KCND3: variants seen among roughly 807,000 people sequenced by gnomAD.
KCND3 encodes the protein A-type voltage-gated potassium channel KCND3.
KCND3 carries 9 observed loss-of-function variants against 51.1 expected under a neutral mutation model. The ratio of observed to expected loss-of-function variants is 0.18; its 90% CI spans 0.11 to 0.31. The LOEUF is 0.31. KCND3 is among the 10% of genes least tolerant of loss of function. KCND3 has a pLI of 1.00. For missense variants in KCND3, 526 were observed against 903.8 expected (o/e 0.58, Z 5.36); for synonymous variants, 349 against 368.0 (o/e 0.95, Z 0.59).
At chr1:111,845,193 T>C (rs576856351) in intron 2 of KCND3, among the ~76,000 whole-genome samples, 16 of 152,292 alleles carry the variant, frequency 1.1e-4, no homozygotes, top group African/African-American at 3.1e-4. Flanking sequence ...CTTTGCAGCA[T>C]CTAACACTTG....
At chr1:111,866,661 C>T (rs1668590642) in intron 2 of KCND3, among the ~76,000 whole-genome samples, 1 of 149,918 alleles carries the variant, frequency 6.7e-6, no homozygotes, top group South Asian at 2.1e-4. Flanking sequence ...GGGTCACAAA[C>T]GAGGTGTGAC....
At chr1:111,854,622 G>A (rs904024560) in intron 2 of KCND3, among the ~76,000 whole-genome samples, 3 of 152,218 alleles carry the variant, frequency 2.0e-5, no homozygotes, top group African/African-American at 7.2e-5. Context: ...CTGAGGAGTG[G>A]CTGTGAAAGG....
intron 2 of KCND3, among the ~76,000 whole-genome samples, chr1:111,973,035 A>G (rs1571926377): frequency 1.3e-5 from 2 of 152,398 alleles, no homozygotes; most frequent in South Asian, 4.1e-4. Flanking sequence ...GGAAAATAGC[A>G]CTGGAAAAAT....
chr1:111,940,410 G>A (rs1166708467), intron 2 of KCND3, among the ~76,000 whole-genome samples: 2 of 152,114 alleles, frequency 1.3e-5, no homozygotes, highest in African/African-American at 4.8e-5. Context: ...TGTATAAGGT[G>A]TAAGGAAGGG....
intron 2 of KCND3, among the ~76,000 whole-genome samples, chr1:111,904,735 C>G (rs901597464): frequency 5.9e-5 from 9 of 152,324 alleles, no homozygotes; most frequent in African/African-American, 1.7e-4. Context: ...GCTTAGAGAC[C>G]CTTATCTGCA....
At position 111,982,383 on chromosome 1, in the gene KCND3, T is replaced by A. The variant is rs753949854; in HGVS notation, c.344A>T (p.Asp115Val). The A allele has an allele frequency of 6.2e-7, 1 of 1,614,190 alleles. No individual in the cohort carries two copies. The highest frequency in any genetic ancestry group is 1.1e-5 in the South Asian group (1 of 91,076). The change falls in exon 2 of 8, where the codon GAC becomes GTC. Residue 115 changes from aspartate (D) to valine (V), a missense_variant. By Grantham distance (152) the Asp-to-Val change is radical. Coordinates refer to ENST00000302127, the MANE Select transcript of KCND3 (RefSeq NM_001378969.1). The surrounding 1 kb of genome is among the most constrained non-coding windows in gnomAD (Gnocchi z 8.5). ...GATGCCGTAGAAGGCCAGCTCGTCG[T>A]CGTAGGCAGAGATGCACTCGTAGCG... is the stretch of plus-strand genomic sequence containing the variant. ...YPRYECISAY[D>V]DELAFYGILP...
chr1:111,917,479 C>T (rs148857235), intron 2 of KCND3, among the ~76,000 whole-genome samples: 17 of 152,226 alleles, frequency 1.1e-4, no homozygotes, highest in African/African-American at 3.1e-4. Context: ...GATTACAGAA[C>T]GGAACTGAGA....
At position 111,866,579 on chromosome 1, in the gene KCND3, AACAC is replaced by A. The variant is rs771342858; in HGVS notation, c.1107-79477_1107-79474del. Among the ~76,000 whole-genome samples, 1,102 of 126,804 alleles carry A rather than the reference AACAC, an allele frequency of 8.7e-3. 9 individuals carry two copies. The highest frequency in any genetic ancestry group is 0.015 in the African/African-American group (470 of 32,274). The allele number at this position is 126,804 out of a possible 152,430, so 83.2% of individuals were successfully genotyped here. A position where few individuals can be genotyped will look rare whatever the true frequency, so the allele number is the denominator to read the frequency against. On this transcript the variant is annotated intron_variant, in intron 2 of 7. Coordinates refer to ENST00000302127, the MANE Select transcript of KCND3 (RefSeq NM_001378969.1). Reference sequence around the variant, plus strand: ...TGTGCCTGACCTGTTTGTTTCTTTAAACACACACACACACACACACACACACACA... The same window carrying A: ...TGTGCCTGACCTGTTTGTTTCTTTAAACACACACACACACACACACACACA...
intron 2 of KCND3, among the ~76,000 whole-genome samples, chr1:111,815,058 C>T (rs755422094): frequency 5.3e-5 from 8 of 152,306 alleles, no homozygotes; most frequent in Admixed American, 2.6e-4. Context: ...GAGGAACAAC[C>T]GGCTCTCTCT....
chr1:111,832,039 A>G (rs1666855608), intron 2 of KCND3, among the ~76,000 whole-genome samples: 1 of 152,208 alleles, frequency 6.6e-6, no homozygotes, highest in East Asian at 1.9e-4. Flanking sequence ...TGCTTTAATC[A>G]TAACTCTAGC....
At chr1:111,960,638 G>A (rs1224383968) in intron 2 of KCND3, among the ~76,000 whole-genome samples, 1 of 152,206 alleles carries the variant, frequency 6.6e-6, no homozygotes, top group Admixed American at 6.5e-5. Flanking sequence ...GGGGTAGGGG[G>A]AGAAATCCCA....
At chr1:111,886,918 T>C (rs1434046299) in intron 2 of KCND3, among the ~76,000 whole-genome samples, 1 of 152,216 alleles carries the variant, frequency 6.6e-6, no homozygotes, top group African/African-American at 2.4e-5. Context: ...GGGTAAACAC[T>C]GCCTGGTCAC....
chr1:111,887,050 C>T (rs1360185542), intron 2 of KCND3, among the ~76,000 whole-genome samples: 7 of 152,044 alleles, frequency 4.6e-5, no homozygotes, highest in African/African-American at 9.7e-5. Flanking sequence ...GTGAGGCATA[C>T]GGAGAGAGAG....
chr1:111,802,097 T>C (rs771526086), intron 2 of KCND3, among the ~76,000 whole-genome samples: 4 of 152,252 alleles, frequency 2.6e-5, no homozygotes, highest in Non-Finnish European at 2.9e-5. Flanking sequence ...ACAGGGTTGT[T>C]ATAAAAATCA....
chr1:111,822,328 T>A (rs1267969142), intron 2 of KCND3, among the ~76,000 whole-genome samples: 3 of 152,140 alleles, frequency 2.0e-5, no homozygotes, highest in Non-Finnish European at 4.4e-5. Context: ...ACCATCCATC[T>A]CCAGAGCTCT....
intron 2 of KCND3, among the ~76,000 whole-genome samples, chr1:111,943,389 G>A (rs1414165395): frequency 1.3e-5 from 2 of 152,146 alleles, no homozygotes; most frequent in East Asian, 3.9e-4. Flanking sequence ...ACTCTCCCCT[G>A]CCCACTGGAC....
At chr1:111,921,317 T>G (rs1045043832) in intron 2 of KCND3, among the ~76,000 whole-genome samples, 2 of 152,196 alleles carry the variant, frequency 1.3e-5, no homozygotes, top group African/African-American at 4.8e-5. Context: ...TCGAATCTCT[T>G]CCATGAAGCC....
At chr1:111,874,325 G>A (rs960230842) in intron 2 of KCND3, among the ~76,000 whole-genome samples, 1 of 152,190 alleles carries the variant, frequency 6.6e-6, no homozygotes, top group African/African-American at 2.4e-5. Context: ...ACAAACATCT[G>A]AGAACATACA....
At chr1:111,882,896 G>A (rs1194209891) in intron 2 of KCND3, among the ~76,000 whole-genome samples, 3 of 152,170 alleles carry the variant, frequency 2.0e-5, no homozygotes, top group Non-Finnish European at 1.5e-5. Context: ...TCTGTGGCTT[G>A]CTTGGAGTCC....
Sources: allele counts gnomAD v4.1 joint callset (sites outside exome capture counted in the v4.1 genomes callset), GRCh38; gene constraint gnomAD v4.1.1; non-coding constraint Gnocchi (gnomAD v3.1); transcripts MANE v1.5; gene names NCBI Gene and HGNC (gene_info 2026-07-23, HGNC 2026-07-21).